Variants in CFAP70 observed in about 807,000 individuals in gnomAD.
CFAP70 encodes the protein cilia and flagella associated protein 70.
In CFAP70, 81 loss-of-function variants were observed where a neutral mutation model predicts 137.6. That is an observed-to-expected ratio of 0.59 (90% CI 0.49 to 0.71). The LOEUF (loss-of-function observed/expected upper bound fraction) is 0.71, where lower values mean the gene tolerates loss of function less well. CFAP70 is among the 30% of genes least tolerant of loss of function. The pLI, the probability that CFAP70 is intolerant of heterozygous loss-of-function variation, is 0.00. For synonymous variants in CFAP70, 382 were observed against 423.6 expected, an observed-to-expected ratio of 0.90 and a Z score of 1.20; for missense variants, 976 against 1,226.7, an observed-to-expected ratio of 0.80 and a Z score of 3.05.
At chr10:73,272,701 G>T (rs938403245) in intron 24 of CFAP70, 7 of 613,710 alleles carry the variant, frequency 1.1e-5, no homozygotes, top group South Asian at 1.1e-4. Context: ...TTATTATGTA[G>T]CTTCTTGGTT....
Position 73,341,514 on chromosome 10 carries a change from C to T in CFAP70, c.467G>A (p.Arg156Gln), listed in dbSNP as rs756791034. Reference sequence around the variant, plus strand: ...GTTGGCAATTGGCCACTTTTTGGGCCGGGGAACAGGTTCCCTTTCCCCTCC... The same window carrying T: ...GTTGGCAATTGGCCACTTTTTGGGCTGGGGAACAGGTTCCCTTTCCCCTCC... The change falls in exon 6 of 27, where the codon CGG becomes CAG. Residue 156 changes from arginine (R) to glutamine (Q), a missense_variant. Physicochemically the swap from Arg to Gln is conservative, Grantham distance 43. Transcript: ENST00000310715. The T allele has an allele frequency of 7.4e-6, 12 of 1,614,108 alleles. No individual in the cohort carries two copies. Among genetic ancestry groups the T allele is most frequent in the East Asian group, 2.2e-5 (1 of 44,872 alleles).
chr10:73,345,057 G>C lies in CFAP70; in HGVS notation c.399+8C>G. The C allele has an allele frequency of 6.2e-7, 1 of 1,613,306 alleles. No homozygotes were observed. Among genetic ancestry groups the C allele is most frequent in the Non-Finnish European group, 8.5e-7 (1 of 1,179,362 alleles). On this transcript the variant is annotated splice_region_variant and intron_variant, in intron 5 of 26. Transcript: ENST00000310715. Reference sequence around the variant, plus strand: ...AATCTCTATAAATATCTGGCAGTAGGGCTTTACCTCTCCAAGTGATGGAAC... The same window carrying C: ...AATCTCTATAAATATCTGGCAGTAGCGCTTTACCTCTCCAAGTGATGGAAC...
intron 3 of CFAP70, among the ~76,000 whole-genome samples, chr10:73,352,473 C>CT (rs1040439768): frequency 1.4e-4 from 22 of 151,830 alleles, no homozygotes; most frequent in Admixed American, 1.2e-3. Flanking sequence ...GGCTTTCTTT[C>CT]TTTTTTCTTT....
chr10:73,307,613 CAAAT>C (rs1413825623), intron 12 of CFAP70, among the ~76,000 whole-genome samples: 4 of 151,950 alleles, frequency 2.6e-5, no homozygotes, highest in Admixed American at 6.6e-5. Flanking sequence ...GTACAAGAGA[CAAAT>C]AAGGACATTA....
chr10:73,359,513 AAAC>A (rs1212260985), upstream of CFAP70, among the ~76,000 whole-genome samples: 14 of 152,378 alleles, frequency 9.2e-5, no homozygotes, highest in African/African-American at 3.4e-4. Flanking sequence ...AGCATGAAGT[AAAC>A]AACGACGATA....
intron 12 of CFAP70, among the ~76,000 whole-genome samples, chr10:73,303,376 C>A (rs1000396683): frequency 6.6e-6 from 1 of 152,098 alleles, no homozygotes; most frequent in Non-Finnish European, 1.5e-5. Context: ...CGCCACCACG[C>A]CCGGCTAATT....
At chr10:73,330,327 A>G (rs1224796656) in intron 8 of CFAP70, among the ~76,000 whole-genome samples, 3 of 151,554 alleles carry the variant, frequency 2.0e-5, no homozygotes, top group Non-Finnish European at 4.4e-5. Context: ...GTGTGTGCCT[A>G]TAATCCCAGC....
intron 5 of CFAP70, among the ~76,000 whole-genome samples, chr10:73,344,258 C>T (rs1393688694): frequency 1.3e-5 from 2 of 152,166 alleles, no homozygotes; most frequent in Non-Finnish European, 2.9e-5. Flanking sequence ...GCCACTGCAC[C>T]CCAGCCAGAA....
chr10:73,276,579 T>G (rs1274221618), intron 21 of CFAP70: 1 of 152,262 alleles, frequency 6.6e-6, no homozygotes, highest in East Asian at 1.9e-4. Context: ...TAATAATTCT[T>G]GCCCTTTCTT....
intron 19 of CFAP70, among the ~76,000 whole-genome samples, chr10:73,285,703 C>A (rs1194146430): frequency 4.1e-5 from 6 of 147,818 alleles, no homozygotes; most frequent in African/African-American, 1.5e-4. Flanking sequence ...GGCACCGTGT[C>A]GGCTCACTGC....
chr10:73,277,000 A>C, intron 21 of CFAP70: 1 of 341,318 alleles, frequency 2.9e-6, no homozygotes, highest in Non-Finnish European at 5.3e-6. Context: ...ATGCCTTTAG[A>C]GTCTGATTTA....
At chr10:73,308,500 T>A (rs909479131) in intron 12 of CFAP70, among the ~76,000 whole-genome samples, 3 of 151,190 alleles carry the variant, frequency 2.0e-5, no homozygotes, top group Non-Finnish European at 3.0e-5. Context: ...TGATGGCACA[T>A]GCCTGTAATC....
chr10:73,343,411 T>A (rs1036593460), intron 5 of CFAP70, among the ~76,000 whole-genome samples: 1 of 151,184 alleles, frequency 6.6e-6, no homozygotes, highest in Non-Finnish European at 1.5e-5. Context: ...GACTACTGCA[T>A]AAAACTAGGA....
chr10:73,292,237 G>C (rs1456600689), intron 16 of CFAP70, among the ~76,000 whole-genome samples: 1 of 152,116 alleles, frequency 6.6e-6, no homozygotes, highest in African/African-American at 2.4e-5. Flanking sequence ...GAATCATCAA[G>C]CTATTTGTTC....
chr10:73,256,844 A>C (rs374546308), intron 25 of CFAP70, among the ~76,000 whole-genome samples: 3 of 147,262 alleles, frequency 2.0e-5, no homozygotes, highest in African/African-American at 7.5e-5. Flanking sequence ...CAGAGGTTGC[A>C]GTGAGCCGAC....
At chr10:73,293,590 T>C (rs1051253105) in intron 15 of CFAP70, 2 of 451,566 alleles carry the variant, frequency 4.4e-6, no homozygotes, top group Non-Finnish European at 7.8e-6. Context: ...GAAGCTCAGG[T>C]ATCTGAATAC....
At chr10:73,269,566 C>G (rs1232750717) in intron 25 of CFAP70, 48 bp downstream of exon 26, 5 of 1,386,268 alleles carry the variant, frequency 3.6e-6, no homozygotes, top group African/African-American at 1.4e-5. Flanking sequence ...CTTGACCCCT[C>G]ACCTCTGTGC....
At chr10:73,256,527 A>G (rs1049965876) in intron 25 of CFAP70, 111 bp from the exon 27 acceptor site, 3 of 1,040,270 alleles carry the variant, frequency 2.9e-6, no homozygotes, top group East Asian at 2.4e-5. Flanking sequence ...AGAGGCTTCT[A>G]CACCTTCCAG....
chr10:73,306,664 T>C (rs191051583), intron 12 of CFAP70, among the ~76,000 whole-genome samples: 368 of 152,206 alleles, frequency 2.4e-3, no homozygotes, highest in African/African-American at 8.4e-3. Flanking sequence ...GGCCAAGAGA[T>C]TGAGACCAGC....
Sources: gnomAD v4.1 joint callset for allele counts (sites outside exome capture counted in the v4.1 genomes callset) on GRCh38, gnomAD v4.1.1 for gene constraint, MANE v1.5 for transcripts, NCBI Gene and HGNC (gene_info 2026-07-23, HGNC 2026-07-21) for gene names.